FUBP1: variants seen among roughly 807,000 people sequenced by gnomAD.
FUBP1 encodes far upstream element-binding protein 1.
Under a neutral mutation model 94.9 loss-of-function variants are expected in FUBP1, and 16 were observed. The observed-to-expected ratio is 0.17, with a 90% CI of 0.11 to 0.26. The LOEUF (loss-of-function observed/expected upper bound fraction) is 0.26, where lower values mean the gene tolerates loss of function less well. Among genes scored for constraint, FUBP1 ranks in the 10% least tolerant of loss-of-function variants. The probability of loss-of-function intolerance (pLI) is 1.00; values close to 1 mark genes in which losing one functional copy is unlikely to be tolerated. For missense variants in FUBP1, 583 were observed against 808.6 expected, an observed-to-expected ratio of 0.72 and a Z score of 3.38; for synonymous variants, 279 against 254.9, an observed-to-expected ratio of 1.09 and a Z score of -0.90.
At chr1:77,972,840 C>G (rs1159551692) in intron 1 of FUBP1, among the ~76,000 whole-genome samples, 1 of 151,564 alleles carries the variant, frequency 6.6e-6, no homozygotes, top group African/African-American at 2.4e-5. Flanking sequence ...ACAGTAACAG[C>G]ATTTCAAAAA....
At chr1:77,961,141 C>T (rs557992685) in intron 14 of FUBP1, among the ~76,000 whole-genome samples, 12 of 152,218 alleles carry the variant, frequency 7.9e-5, no homozygotes, top group African/African-American at 2.6e-4. Flanking sequence ...ATTTTATATC[C>T]TTATCATGCA....
intron 17 of FUBP1, chr1:77,955,608 G>A: frequency 3.0e-6 from 1 of 332,376 alleles, no homozygotes; most frequent in South Asian, 9.0e-5. Context: ...GAGGACACCA[G>A]GTTTCTCACG....
At chr1:77,967,773 C>A in intron 3 of FUBP1, 107 bp from the exon 4 acceptor site, 1 of 690,694 alleles carries the variant, frequency 1.4e-6, no homozygotes, top group Non-Finnish European at 2.4e-6. Flanking sequence ...CCCTAATGCA[C>A]AGACAACACC....
At chr1:77,979,084 C>CGG, upstream of FUBP1, 21 of 1,361,346 alleles carry the variant, frequency 1.5e-5, no homozygotes, top group Non-Finnish European at 1.9e-5. Flanking sequence ...AAATGGCGGC[C>CGG]GTCGAAGCTC....
Position 77,947,195 on chromosome 1 carries a change from T to C in FUBP1, c.*1571A>G, listed in dbSNP as rs1652346481. Reference sequence around the variant, plus strand: ...TTTTAGGAGCACCAGTGAATAATACTATTCAACTTTGTTAAGTATCAGTTT... The same window carrying C: ...TTTTAGGAGCACCAGTGAATAATACCATTCAACTTTGTTAAGTATCAGTTT... On this transcript the variant is annotated 3_prime_UTR_variant, in exon 20 of 20. Coordinates refer to ENST00000370768, the MANE Select transcript of FUBP1 (RefSeq NM_003902.5). The C allele has an allele frequency of 4.2e-6, 1 of 235,852 alleles. No homozygotes were observed. The highest frequency in any genetic ancestry group is 1.1e-4 in the South Asian group (1 of 9,512). 14.6% of individuals were successfully genotyped at this position (235,852 alleles called of 1,614,324 possible).
rs572298550 is a variant in FUBP1, at chr1:77,973,410, T to A, written c.121-3395A>T. Among the ~76,000 whole-genome samples the A allele has an allele frequency of 5.9e-5, 9 of 152,288 alleles. No homozygotes were observed. The South Asian group carries it at 1.2e-3, about 21-fold the overall frequency. On this transcript the variant is annotated intron_variant, in intron 1 of 19. Coordinates refer to ENST00000370768, the MANE Select transcript of FUBP1 (RefSeq NM_003902.5). ...ACAGGCGCCCGCCACCATGCTCAGC[T>A]AATTTTTGTATTTTTAGTATAGACA...
At position 77,948,232 on chromosome 1, in the gene FUBP1, G is replaced by GA; in HGVS notation, c.*533dup. 1 of 1,054,104 alleles carries GA rather than the reference G, an allele frequency of 9.5e-7. No individual in the cohort carries two copies. The highest frequency in any genetic ancestry group is 1.1e-6 in the Non-Finnish European group (1 of 872,058). 65.3% of individuals were successfully genotyped at this position (1,054,104 alleles called of 1,614,324 possible). A position where few individuals can be genotyped will look rare whatever the true frequency, so the allele number is the denominator to read the frequency against. On this transcript the variant is annotated 3_prime_UTR_variant, in exon 20 of 20. Transcript: ENST00000370768. ...GCTGAAAGAGCCAATACAATAAATG[G>GA]AAAAGATCCTCCAATCTACCACTAT...
At chr1:77,966,830 A>G in intron 6 of FUBP1, 54 bp downstream of exon 6, 7 of 1,341,286 alleles carry the variant, frequency 5.2e-6, no homozygotes, top group Non-Finnish European at 7.4e-6. Context: ...CTTAAAAAAA[A>G]AAAAAAGCTA....
At chr1:77,956,501 A>G in intron 17 of FUBP1, 71 bp downstream of exon 17, 1 of 943,128 alleles carries the variant, frequency 1.1e-6, no homozygotes, top group Admixed American at 2.1e-5. Context: ...TAGGTATTAT[A>G]CAGTGATGTA....
intron 1 of FUBP1, among the ~76,000 whole-genome samples, chr1:77,970,508 A>G (rs983516740): frequency 4.6e-5 from 7 of 152,216 alleles, no homozygotes; most frequent in African/African-American, 7.2e-5. Flanking sequence ...CTGGAATATA[A>G]ATCATCTTAA....
chr1:77,957,709 G>A (rs1654723628), intron 16 of FUBP1, among the ~76,000 whole-genome samples: 2 of 152,074 alleles, frequency 1.3e-5, no homozygotes. Flanking sequence ...AAATTGCAAG[G>A]TAATATAATT....
In FUBP1 at chr1:77,947,098, TTC is replaced by T. The variant is rs1465543176; in HGVS notation, c.*1666_*1667del. The T allele has an allele frequency of 2.9e-5, 6 of 205,748 alleles. No homozygotes were observed. Among genetic ancestry groups the T allele is most frequent in the East Asian group, 7.4e-5 (1 of 13,486 alleles). The allele number at this position is 205,748 out of a possible 1,614,324, so 12.7% of individuals were successfully genotyped here. On this transcript the variant is annotated 3_prime_UTR_variant, in exon 20 of 20. Coordinates refer to ENST00000370768, the MANE Select transcript of FUBP1 (RefSeq NM_003902.5). ...TCATTATTTGCAAACTGAAATCCCCTTCTGTCTGATACATTTCAAGACTTTCA... is the reference window on the plus strand; with the variant it reads ...TCATTATTTGCAAACTGAAATCCCCTTGTCTGATACATTTCAAGACTTTCA...
Position 77,964,243 on chromosome 1 carries a change from T to C in FUBP1, c.940+11A>G, listed in dbSNP as rs1445314240. ...GCTGCCAACACTTACAAGATTATTA[T>C]ATGTACTCACCTGGCTTAAACTGAA... On this transcript the variant is annotated intron_variant, in intron 11 of 19. Coordinates refer to ENST00000370768, the MANE Select transcript of FUBP1 (RefSeq NM_003902.5). 1 of 1,571,272 alleles carries C rather than the reference T, an allele frequency of 6.4e-7. No individual in the cohort carries two copies. Among genetic ancestry groups the C allele is most frequent in the Non-Finnish European group, 8.8e-7 (1 of 1,141,524 alleles).
chr1:77,949,291 A>G lies in FUBP1; in HGVS notation c.1790T>C (p.Val597Ala), dbSNP rs1652867502. The change falls in exon 19 of 20, where the codon GTT (valine) becomes GCT (alanine). Residue 597 changes from valine to alanine, a missense_variant. Val to Ala is a moderately conservative substitution (Grantham distance 64). Coordinates refer to ENST00000370768, the MANE Select transcript of FUBP1 (RefSeq NM_003902.5). ...EEYYKKMGQA[V>A]PAPTGAPPGG... ...TGGAGGAGCCCCAGTCGGAGCAGGA[A>G]CTGCCTGACCTTTGAAAAAAAAGAA... is the stretch of plus-strand genomic sequence containing the variant. The G allele has an allele frequency of 6.2e-7, 1 of 1,613,664 alleles. No individual in the cohort carries two copies. Among genetic ancestry groups the G allele is most frequent in the East Asian group, 2.2e-5 (1 of 44,886 alleles).
At chr1:77,963,443 A>G (rs1303655886) in intron 13 of FUBP1, 131 bp downstream of exon 13, 1 of 551,380 alleles carries the variant, frequency 1.8e-6, no homozygotes, top group African/African-American at 1.9e-5. Flanking sequence ...CTTGTTACAT[A>G]TTAACATAAG....
At chr1:77,954,490 T>C (rs566325872) in intron 18 of FUBP1, among the ~76,000 whole-genome samples, 2 of 152,202 alleles carry the variant, frequency 1.3e-5, no homozygotes, top group African/African-American at 2.4e-5. Context: ...ATCAGGTATA[T>C]GTAATTTTAC....
At chr1:77,974,090 G>A (rs1275580765) in intron 1 of FUBP1, among the ~76,000 whole-genome samples, 1 of 150,490 alleles carries the variant, frequency 6.6e-6, no homozygotes, top group Non-Finnish European at 1.5e-5. Context: ...CTTCTGGATA[G>A]CTGGTACTAC....
intron 12 of FUBP1, 144 bp downstream of exon 12, chr1:77,963,918 G>A (rs1274393293): frequency 2.5e-5 from 17 of 685,416 alleles, no homozygotes; most frequent in Admixed American, 8.2e-5. Flanking sequence ...CCTGCTCCAA[G>A]ATCTTTACCT....
intron 18 of FUBP1, among the ~76,000 whole-genome samples, chr1:77,954,968 G>C (rs1186722972): frequency 6.6e-6 from 1 of 151,982 alleles, no homozygotes; most frequent in Non-Finnish European, 1.5e-5. Flanking sequence ...TTAACCTTAT[G>C]TCATTTAGAC....
Sources: gnomAD v4.1 joint callset for allele counts (sites outside exome capture counted in the v4.1 genomes callset) on GRCh38, gnomAD v4.1.1 for gene constraint, MANE v1.5 for transcripts, NCBI Gene and HGNC (gene_info 2026-07-23, HGNC 2026-07-21) for gene names.